Variants in PTH1R observed in about 807,000 individuals in gnomAD.
PTH1R encodes the protein parathyroid hormone/parathyroid hormone-related peptide receptor.
In PTH1R, 32 loss-of-function variants were observed where a neutral mutation model predicts 70.7. The observed-to-expected ratio is 0.45, with a 90% CI of 0.34 to 0.61. The LOEUF (loss-of-function observed/expected upper bound fraction) is 0.61, where lower values mean the gene tolerates loss of function less well. PTH1R is among the 20% of genes least tolerant of loss of function. The pLI, the probability that PTH1R is intolerant of heterozygous loss-of-function variation, is 0.01. For synonymous variants in PTH1R, 329 were observed against 324.8 expected (o/e 1.01, Z -0.14); for missense variants, 626 against 792.5 (o/e 0.79, Z 2.52).
intron 10 of PTH1R, among the ~76,000 whole-genome samples, 184 bp from the exon 11 acceptor site, chr3:46,900,841 C>T (rs1447220595): frequency 6.6e-6 from 1 of 152,040 alleles, no homozygotes. Flanking sequence ...GGGCTGGAGC[C>T]CCAAGGGGAA....
In PTH1R at chr3:46,883,332, T is replaced by G. The variant is rs1357804694; in HGVS notation, c.-48-180T>G. 1 of 132,536 alleles carries G rather than the reference T, an allele frequency of 7.5e-6. No individual in the cohort carries two copies. Among genetic ancestry groups the G allele is most frequent in the Admixed American group, 7.3e-5 (1 of 13,650 alleles). The allele number at this position is 132,536 out of a possible 1,614,324, so 8.2% of individuals were successfully genotyped here. Reference sequence around the variant, plus strand: ...CCTCCGGCTCTCCCTCCCTCCCTCCTGTCCCTCCCTCCCTCCCTCCTTTGC... The same window carrying G: ...CCTCCGGCTCTCCCTCCCTCCCTCCGGTCCCTCCCTCCCTCCCTCCTTTGC... On this transcript the variant is annotated intron_variant, in intron 2 of 15. Coordinates refer to ENST00000449590, the MANE Select transcript of PTH1R (RefSeq NM_000316.3). The surrounding 1 kb of genome is among the most constrained non-coding windows in gnomAD (Gnocchi z 6.4).
intron 9 of PTH1R, 129 bp downstream of exon 9, chr3:46,898,986 C>G: frequency 1.3e-6 from 1 of 755,456 alleles, no homozygotes; most frequent in Non-Finnish European, 2.1e-6. Context: ...GCCACTCAAA[C>G]CCGTCTTATA....
rs973797370 is a variant in PTH1R at position 46,903,254 on chromosome 3, C to G, written c.1396-16C>G. ...TTGGGAGACACACCTGACTGCCGCA[C>G]CCTTACTGCCCCAAGGTACAAGCTG... On this transcript the variant is annotated splice_polypyrimidine_tract_variant and intron_variant, in intron 15 of 15. Transcript: ENST00000449590. This position sits in a 1 kb window ranked among gnomAD's most constrained non-coding sequence, Gnocchi z 4.4. The G allele has an allele frequency of 1.9e-6, 3 of 1,612,016 alleles. No individual in the cohort carries two copies. Among genetic ancestry groups the G allele is most frequent in the African/African-American group, 1.3e-5 (1 of 75,000 alleles).
intron 8 of PTH1R, 42 bp downstream of exon 8, chr3:46,898,514 G>C (rs780469270): frequency 3.4e-5 from 54 of 1,608,452 alleles, no homozygotes; most frequent in African/African-American, 9.4e-5. Context: ...ATGGTGGAGG[G>C]GGGGCGGTGG....
chr3:46,883,707 C>T lies in PTH1R; in HGVS notation c.75+73C>T. 2.0e-6 allele frequency: 3 copies of T among 1,517,416 alleles called. No individual in the cohort carries two copies. The Admixed American group carries it at 5.9e-5, about 30-fold the overall frequency. 94.0% of individuals were successfully genotyped at this position (1,517,416 alleles called of 1,614,324 possible). A position where few individuals can be genotyped will look rare whatever the true frequency, so the allele number is the denominator to read the frequency against. On this transcript the variant is annotated intron_variant, in intron 3 of 15. Transcript: ENST00000449590. The surrounding 1 kb of genome is among the most constrained non-coding windows in gnomAD (Gnocchi z 6.4). Reference sequence around the variant, plus strand: ...TAGGGTCCGCGGGATAGGTCTAAGGCACGCAGTCTTGAGTTCCCCCAGTAG... The same window carrying T: ...TAGGGTCCGCGGGATAGGTCTAAGGTACGCAGTCTTGAGTTCCCCCAGTAG...
At chr3:46,880,612 C>T (rs941413123) in intron 1 of PTH1R, among the ~76,000 whole-genome samples, 6 of 152,132 alleles carry the variant, frequency 3.9e-5, no homozygotes, top group Non-Finnish European at 7.4e-5. Flanking sequence ...TGGTGGTACA[C>T]ACCTGTAGTC....
intron 3 of PTH1R, among the ~76,000 whole-genome samples, chr3:46,890,148 A>C (rs1338923527): frequency 6.6e-6 from 1 of 152,138 alleles, no homozygotes; most frequent in African/African-American, 2.4e-5. Flanking sequence ...CAGAAATGCA[A>C]GGAGCCATTG....
In PTH1R at chr3:46,882,115, A is replaced by C. The variant is rs2030616031; in HGVS notation, c.-49+997A>C. On this transcript the variant is annotated intron_variant, in intron 2 of 15. Coordinates refer to ENST00000449590, the MANE Select transcript of PTH1R (RefSeq NM_000316.3). The surrounding 1 kb of genome is among the most constrained non-coding windows in gnomAD (Gnocchi z 4.3). ...ACTCCGGGCCTCGGCCTCTAGCGCA[A>C]TGTCCCGGGGCGGGGGGCGGAAGGC... 1 of 149,556 alleles carries C rather than the reference A, an allele frequency of 6.7e-6. No homozygotes were observed. Among genetic ancestry groups the C allele is most frequent in the Admixed American group, 6.6e-5 (1 of 15,090 alleles). 9.3% of individuals were successfully genotyped at this position (149,556 alleles called of 1,614,324 possible).
At chr3:46,898,290 C>A (rs2031877537) in intron 7 of PTH1R, 88 bp from the exon 8 acceptor site, 1 of 1,570,860 alleles carries the variant, frequency 6.4e-7, no homozygotes, top group Non-Finnish European at 8.8e-7. Context: ...TTGACTCCTC[C>A]AGCAACCTTA....
Position 46,902,843 on chromosome 3 carries a change from G to A in PTH1R, c.1395+53G>A. 3 of 1,604,046 alleles carry A rather than the reference G, an allele frequency of 1.9e-6. No homozygotes were observed. Among genetic ancestry groups the A allele is most frequent in the Non-Finnish European group, 2.6e-6 (3 of 1,172,296 alleles). Reference sequence around the variant, plus strand: ...GCAGGGTGGGGCAGATACCCCAGAGGCTTCCTCAAGGCTCATTTCTCCATT... The same window carrying A: ...GCAGGGTGGGGCAGATACCCCAGAGACTTCCTCAAGGCTCATTTCTCCATT... On this transcript the variant is annotated intron_variant, in intron 15 of 15. Coordinates refer to ENST00000449590, the MANE Select transcript of PTH1R (RefSeq NM_000316.3). This position sits in a 1 kb window ranked among gnomAD's most constrained non-coding sequence, Gnocchi z 5.4.
intron 3 of PTH1R, among the ~76,000 whole-genome samples, chr3:46,889,059 C>T (rs1416174960): frequency 6.6e-6 from 1 of 152,174 alleles, no homozygotes; most frequent in Non-Finnish European, 1.5e-5. Context: ...GGGAGCAGTC[C>T]CAGCCAGCTG....
intron 2 of PTH1R, 42 bp downstream of exon 2, chr3:46,881,160 T>G (rs1295090451): frequency 6.6e-6 from 1 of 152,254 alleles, no homozygotes; most frequent in Non-Finnish European, 1.5e-5. Context: ...CCAGACTCAT[T>G]TCCCAGGGCC....
chr3:46,886,343 G>A (rs2106969460), intron 3 of PTH1R, among the ~76,000 whole-genome samples: 1 of 152,270 alleles, frequency 6.6e-6, no homozygotes, highest in South Asian at 2.1e-4. Flanking sequence ...TCCAGGGGCA[G>A]CTTGGCCATG....
chr3:46,895,080 A>AAAAC (rs1182008453), intron 4 of PTH1R, among the ~76,000 whole-genome samples: 1 of 106,422 alleles, frequency 9.4e-6, no homozygotes, highest in Non-Finnish European at 2.3e-5. Context: ...AAAAACAAAA[A>AAAAC]AAACAAACAA....
chr3:46,892,991 C>T lies in PTH1R; in HGVS notation c.76-916C>T, dbSNP rs1173099384. ...CACGGGAATGGCTGGGCTAGGCACACCAGGCTGCTCCCAAGTCAGAGGACA... is the reference window on the plus strand; with the variant it reads ...CACGGGAATGGCTGGGCTAGGCACATCAGGCTGCTCCCAAGTCAGAGGACA... On this transcript the variant is annotated intron_variant, in intron 3 of 15. Coordinates refer to ENST00000449590, the MANE Select transcript of PTH1R (RefSeq NM_000316.3). This position sits in a 1 kb window ranked among gnomAD's most constrained non-coding sequence, Gnocchi z 5.2. 6.6e-6 allele frequency among the ~76,000 whole-genome samples: 1 copy of T among 152,198 alleles called. No homozygotes were observed. The highest frequency in any genetic ancestry group is 2.4e-5 in the African/African-American group (1 of 41,452).
At chr3:46,897,549 T>C (rs980281097) in intron 5 of PTH1R, among the ~76,000 whole-genome samples, 6 of 152,026 alleles carry the variant, frequency 3.9e-5, no homozygotes, top group Non-Finnish European at 8.8e-5. Flanking sequence ...CTGACCAACA[T>C]GGAGAAACCC....
chr3:46,898,629 C>T (rs201769387), intron 8 of PTH1R, 33 bp from the exon 9 acceptor site: 12 of 1,609,556 alleles, frequency 7.5e-6, no homozygotes, highest in Non-Finnish European at 1.0e-5. Flanking sequence ...CGTCCCCGTG[C>T]CCCCACCCAC....
Position 46,883,206 on chromosome 3 carries a change from C to T in PTH1R, c.-48-306C>T, listed in dbSNP as rs1212404187. Among the ~76,000 whole-genome samples the T allele has an allele frequency of 6.7e-6, 1 of 149,694 alleles. No homozygotes were observed. The highest frequency in any genetic ancestry group is 2.0e-4 in the East Asian group (1 of 5,026). On this transcript the variant is annotated intron_variant, in intron 2 of 15. Transcript: ENST00000449590. The surrounding 1 kb of genome is among the most constrained non-coding windows in gnomAD (Gnocchi z 6.4). ...GGCGGCGCGGGAGGGGGGCGGGGGG[C>T]GGGCCGGGGGCGGGGGGCCCGGCCA... is the stretch of plus-strand genomic sequence containing the variant.
intron 3 of PTH1R, among the ~76,000 whole-genome samples, chr3:46,888,912 C>T (rs1263503990): frequency 1.3e-5 from 2 of 152,242 alleles, no homozygotes; most frequent in Non-Finnish European, 2.9e-5. Context: ...CCCCCAGCCC[C>T]TCCCAGCCCC....
Sources: gnomAD v4.1 joint callset for allele counts (sites outside exome capture counted in the v4.1 genomes callset) on GRCh38, gnomAD v4.1.1 for gene constraint, Gnocchi (gnomAD v3.1) non-coding constraint, MANE v1.5 for transcripts, NCBI Gene and HGNC (gene_info 2026-07-23, HGNC 2026-07-21) for gene names.